Variants in PPP2R5C observed in about 807,000 individuals in gnomAD.
PPP2R5C encodes serine/threonine-protein phosphatase 2A 56 kDa regulatory subunit gamma isoform.
Under a neutral mutation model 68.9 loss-of-function variants are expected in PPP2R5C, and 7 were observed. That is an observed-to-expected ratio of 0.10 (90% CI 0.06 to 0.19). The LOEUF is 0.19. PPP2R5C is among the 10% of genes least tolerant of loss of function. The pLI, the probability that PPP2R5C is intolerant of heterozygous loss-of-function variation, is 1.00. For missense variants in PPP2R5C, 348 were observed against 641.3 expected (o/e 0.54, Z 4.94); for synonymous variants, 210 against 222.2 (o/e 0.95, Z 0.49).
chr14:101,890,367 C>A, intron 6 of PPP2R5C, 71 bp downstream of exon 8: 1 of 1,408,440 alleles, frequency 7.1e-7, no homozygotes, highest in Admixed American at 2.0e-5. Flanking sequence ...TTCATTGAGT[C>A]CAGCTGCCCG....
At chr14:101,896,161 A>T (rs991944826) in intron 8 of PPP2R5C, among the ~76,000 whole-genome samples, 1 of 152,026 alleles carries the variant, frequency 6.6e-6, no homozygotes, top group African/African-American at 2.4e-5. Context: ...CTGGGATTAC[A>T]GGTGCCTGCC....
upstream of PPP2R5C, among the ~76,000 whole-genome samples, chr14:101,808,272 G>A (rs569619176): frequency 6.6e-6 from 1 of 151,784 alleles, no homozygotes; most frequent in Non-Finnish European, 1.5e-5. Flanking sequence ...CTGAAAGCAC[G>A]TGCTCTTTAA....
chr14:101,866,030 G>T (rs1041312887), intron 2 of PPP2R5C, among the ~76,000 whole-genome samples: 1 of 152,170 alleles, frequency 6.6e-6, no homozygotes, highest in Non-Finnish European at 1.5e-5. Context: ...AAGTAGCTGG[G>T]ATTACAGGCA....
intron 2 of PPP2R5C, among the ~76,000 whole-genome samples, chr14:101,872,581 C>T (rs1215418573): frequency 2.0e-5 from 3 of 152,080 alleles, no homozygotes; most frequent in Admixed American, 6.5e-5. Context: ...CCGTGTCGAC[C>T]GTTTTATCCT....
intron 2 of PPP2R5C, among the ~76,000 whole-genome samples, chr14:101,783,520 G>A (rs1213848688): frequency 1.3e-5 from 2 of 151,710 alleles, no homozygotes; most frequent in Admixed American, 6.6e-5. Flanking sequence ...TCTGGTCTTG[G>A]CCCTGACGAG....
chr14:101,761,611 C>A (rs1050451378), upstream of PPP2R5C, among the ~76,000 whole-genome samples: 2 of 22,738 alleles, frequency 8.8e-5, no homozygotes. Flanking sequence ...GCGGGCGGGG[C>A]GGGGCGGCCG....
Position 101,825,211 on chromosome 14 carries a change from CGTGTGTGTGTGTGTGT to C in PPP2R5C, c.94+15198_94+15213del, listed in dbSNP as rs10588262. Among the ~76,000 whole-genome samples the C allele has an allele frequency of 6.3e-5, 9 of 143,110 alleles. No individual in the cohort carries two copies. Among genetic ancestry groups the C allele is most frequent in the East Asian group, 2.1e-4 (1 of 4,816 alleles). 93.9% of individuals were successfully genotyped at this position (143,110 alleles called of 152,430 possible). A position where few individuals can be genotyped will look rare whatever the true frequency, so the allele number is the denominator to read the frequency against. On this transcript the variant is annotated intron_variant, in intron 1 of 13. Coordinates refer to ENST00000334743, the Ensembl canonical transcript of PPP2R5C. The surrounding 1 kb of genome is among the most constrained non-coding windows in gnomAD (Gnocchi z 4.0). ...AGGGATAGGATAAGAGGGTTTTCAGCGTGTGTGTGTGTGTGTGTGTGTGTGTGTGTGTGTGTGTTGA... is the reference window on the plus strand; with the variant it reads ...AGGGATAGGATAAGAGGGTTTTCAGCGTGTGTGTGTGTGTGTGTGTGTTGA...
chr14:101,903,543 C>G (rs139306092), intron 9 of PPP2R5C, among the ~76,000 whole-genome samples: 4,361 of 152,344 alleles, frequency 0.029, 96 homozygotes, highest in Middle Eastern at 0.068. Flanking sequence ...AGCCCCCCAA[C>G]TCGCCCTCGT....
chr14:101,874,342 T>C (rs2043613455), intron 2 of PPP2R5C, among the ~76,000 whole-genome samples: 1 of 152,238 alleles, frequency 6.6e-6, no homozygotes, highest in Non-Finnish European at 1.5e-5. Flanking sequence ...ATTAGAATGC[T>C]AATGGTAAAA....
At chr14:101,805,868 G>C (rs1363728971), upstream of PPP2R5C, among the ~76,000 whole-genome samples, 1 of 152,192 alleles carries the variant, frequency 6.6e-6, no homozygotes, top group Non-Finnish European at 1.5e-5. Flanking sequence ...CATAGAGACT[G>C]AAAGTAGAGT....
intron 12 of PPP2R5C, chr14:101,912,715 C>T (rs1471916511): frequency 5.1e-6 from 4 of 779,912 alleles, no homozygotes; most frequent in Non-Finnish European, 7.0e-6. Context: ...AGATCTGAAT[C>T]TTATGCATAT....
chr14:101,870,003 T>A (rs985223252), intron 2 of PPP2R5C, among the ~76,000 whole-genome samples: 13 of 151,682 alleles, frequency 8.6e-5, no homozygotes, highest in African/African-American at 3.2e-4. Context: ...CATTGGTGAA[T>A]TGTCTGTTCC....
At chr14:101,848,537 C>CAAA (rs534732392) in intron 1 of PPP2R5C, among the ~76,000 whole-genome samples, 2 of 136,820 alleles carry the variant, frequency 1.5e-5, no homozygotes, top group Non-Finnish European at 3.2e-5. Flanking sequence ...GACTCTGTCT[C>CAAA]AAAAAAAAAA....
intron 1 of PPP2R5C, among the ~76,000 whole-genome samples, chr14:101,817,468 A>G (rs1023564072): frequency 3.3e-5 from 5 of 152,202 alleles, no homozygotes; most frequent in African/African-American, 1.2e-4. Flanking sequence ...AACTCACAGT[A>G]GCTGCACAGA....
chr14:101,788,104 C>T (rs760218504), intron 3 of PPP2R5C, among the ~76,000 whole-genome samples: 23 of 152,312 alleles, frequency 1.5e-4, no homozygotes, highest in Admixed American at 3.9e-4. Flanking sequence ...GGCCCAGAGT[C>T]AGAGGGAGGG....
At chr14:101,895,992 C>A (rs2045297238) in intron 8 of PPP2R5C, among the ~76,000 whole-genome samples, 1 of 152,118 alleles carries the variant, frequency 6.6e-6, no homozygotes, top group Admixed American at 6.6e-5. Flanking sequence ...GCTGCTGCTG[C>A]TGCTGTTGCT....
At chr14:101,878,834 G>A (rs1472613171) in intron 2 of PPP2R5C, among the ~76,000 whole-genome samples, 1 of 152,210 alleles carries the variant, frequency 6.6e-6, no homozygotes, top group Non-Finnish European at 1.5e-5. Context: ...GCCTTCACAG[G>A]AACACCCACA....
At chr14:101,885,431 C>T (rs1368155896) in intron 5 of PPP2R5C, among the ~76,000 whole-genome samples, 12 of 151,220 alleles carry the variant, frequency 7.9e-5, no homozygotes, top group Admixed American at 7.9e-4. Flanking sequence ...GCACAGCCTG[C>T]GTCGGGAGCA....
In PPP2R5C at chr14:101,913,278, A is replaced by G. The variant is rs1159604408; in HGVS notation, c.1326+805A>G. ...CTCAAGCTTTCCTTCAACTCTCCAGAAAAGATTTTACCGAACAATGTATTT... is the reference window on the plus strand; with the variant it reads ...CTCAAGCTTTCCTTCAACTCTCCAGGAAAGATTTTACCGAACAATGTATTT... On this transcript the variant is annotated intron_variant, in intron 12 of 13. Transcript: ENST00000334743. The surrounding 1 kb of genome is among the most constrained non-coding windows in gnomAD (Gnocchi z 4.1). Among the ~76,000 whole-genome samples the G allele has an allele frequency of 6.6e-6, 1 of 152,222 alleles. No individual in the cohort carries two copies. Among genetic ancestry groups the G allele is most frequent in the Non-Finnish European group, 1.5e-5 (1 of 68,040 alleles).
Sources: gnomAD v4.1 joint callset for allele counts (sites outside exome capture counted in the v4.1 genomes callset) on GRCh38, gnomAD v4.1.1 for gene constraint, Gnocchi (gnomAD v3.1) non-coding constraint, MANE v1.5 for transcripts, NCBI Gene and HGNC (gene_info 2026-07-23, HGNC 2026-07-21) for gene names.